Variants in SASH1 observed in about 807,000 individuals in gnomAD.
The protein encoded by SASH1 is SAM and SH3 domain-containing protein 1.
In SASH1, 44 loss-of-function variants were observed where a neutral mutation model predicts 125.2. The ratio of observed to expected loss-of-function variants is 0.35; its 90% CI spans 0.28 to 0.45. The LOEUF (loss-of-function observed/expected upper bound fraction) is 0.45. Among genes scored for constraint, SASH1 ranks in the 20% least tolerant of loss-of-function variants. SASH1 has a pLI of 1.00. For synonymous variants in SASH1, 639 were observed against 649.1 expected, an observed-to-expected ratio of 0.98 and a Z score of 0.24; for missense variants, 1,426 against 1,614.5, an observed-to-expected ratio of 0.88 and a Z score of 2.00.
In SASH1 at chr6:148,313,083, G is replaced by C. The variant is rs1780378938; in HGVS notation, n.74+40706G>C. On this transcript the variant is annotated intron_variant and non_coding_transcript_variant, in intron 1 of 3. Transcript: ENST00000367469. ...TCTTAGGAGTTAGTGGCAGAGAGAG[G>C]AGAGACCAACTGAGCCAAACCTCAA... 2.0e-5 allele frequency among the ~76,000 whole-genome samples: 3 copies of C among 152,292 alleles called. 1 individual carries two copies. In the South Asian group the frequency reaches 6.2e-4, roughly 32 times the overall value.
intron 1 of SASH1, among the ~76,000 whole-genome samples, chr6:148,292,605 A>G (rs1779664401): frequency 6.6e-6 from 1 of 152,154 alleles, no homozygotes. Flanking sequence ...ACCGACTTTC[A>G]TGGGGACTCA....
At chr6:148,246,120 T>G in the SASH1 span, among the ~76,000 whole-genome samples, 1 of 152,186 alleles carries the variant, frequency 6.6e-6, no homozygotes, top group East Asian at 1.9e-4. Context: ...CTCTTCTCTT[T>G]TCTCTCTCTC....
intron 2 of SASH1, among the ~76,000 whole-genome samples, chr6:148,426,294 C>T (rs1030495447): frequency 9.9e-5 from 15 of 152,220 alleles, no homozygotes; most frequent in Non-Finnish European, 1.5e-4. Flanking sequence ...GTGTGCAGTG[C>T]GCTCTCATTG....
At chr6:148,428,081 A>T (rs1172752539) in intron 2 of SASH1, among the ~76,000 whole-genome samples, 1 of 152,176 alleles carries the variant, frequency 6.6e-6, no homozygotes, top group Non-Finnish European at 1.5e-5. Flanking sequence ...GTATAGTAAC[A>T]TCCATCTCGT....
intron 1 of SASH1, among the ~76,000 whole-genome samples, chr6:148,299,347 A>G (rs531964468): frequency 1.3e-5 from 2 of 152,062 alleles, no homozygotes; most frequent in Non-Finnish European, 2.9e-5. Flanking sequence ...TATTGGTGCT[A>G]CAAGAATTAA....
At chr6:148,465,548 G>GA (rs564107121) in intron 4 of SASH1, among the ~76,000 whole-genome samples, 1,390 of 100,774 alleles carry the variant, frequency 0.014, 9 homozygotes, top group African/African-American at 0.019. Context: ...GTCTCCAGGA[G>GA]AAAAAAAAAA....
chr6:148,546,257 G>A (rs758269728), intron 19 of SASH1, 111 bp downstream of exon 19: 39 of 1,274,690 alleles, frequency 3.1e-5, no homozygotes, highest in Non-Finnish European at 4.1e-5. Flanking sequence ...CTATGGAAAG[G>A]AGACAGCTGG....
chr6:148,474,758 G>A (rs1413468946), intron 7 of SASH1, among the ~76,000 whole-genome samples: 1 of 152,076 alleles, frequency 6.6e-6, no homozygotes, highest in African/African-American at 2.4e-5. Context: ...TTTTTACAGA[G>A]ACAGGGTCTC....
the SASH1 span, among the ~76,000 whole-genome samples, chr6:148,253,674 C>T: frequency 2.0e-5 from 3 of 152,016 alleles, no homozygotes; most frequent in Non-Finnish European, 4.4e-5. Context: ...AGTTTGAGAC[C>T]ATCCTGGCCA....
the SASH1 span, among the ~76,000 whole-genome samples, chr6:148,200,432 G>A: frequency 6.6e-6 from 1 of 152,170 alleles, no homozygotes; most frequent in African/African-American, 2.4e-5. Flanking sequence ...GAGCGGGAGG[G>A]GGCCGCGATC....
intron 2 of SASH1, among the ~76,000 whole-genome samples, chr6:148,397,642 G>A (rs550574023): frequency 6.6e-6 from 1 of 152,186 alleles, no homozygotes; most frequent in South Asian, 2.1e-4. Context: ...CCCTTCTAGT[G>A]GGTCCTGCCT....
intron 1 of SASH1, among the ~76,000 whole-genome samples, chr6:148,334,264 A>T (rs1248007993): frequency 1.4e-5 from 2 of 146,150 alleles, no homozygotes; most frequent in South Asian, 4.3e-4. Context: ...CTCTACTAAA[A>T]ATACAAAAAA....
intron 2 of SASH1, among the ~76,000 whole-genome samples, chr6:148,427,793 G>T (rs1455184709): frequency 2.0e-5 from 3 of 152,192 alleles, no homozygotes; most frequent in African/African-American, 4.8e-5. Flanking sequence ...ACTGATTTCT[G>T]TTCCTGCCCT....
chr6:148,296,843 A>C (rs974441915), intron 1 of SASH1, among the ~76,000 whole-genome samples: 31 of 152,222 alleles, frequency 2.0e-4, no homozygotes, highest in African/African-American at 7.5e-4. Flanking sequence ...GATGTAGTTT[A>C]CTACTCTGCC....
chr6:148,526,671 A>G (rs1285411361), intron 11 of SASH1, among the ~76,000 whole-genome samples: 1 of 152,146 alleles, frequency 6.6e-6, no homozygotes, highest in African/African-American at 2.4e-5. Context: ...ATGAGAGATG[A>G]CCACAATCTA....
At chr6:148,508,388 C>A in intron 8 of SASH1, 1 of 765,150 alleles carries the variant, frequency 1.3e-6, no homozygotes, top group East Asian at 1.3e-4. Context: ...TAGTCCTTGT[C>A]CTCCTTGTCC....
chr6:148,463,197 T>G (rs1667511301), intron 4 of SASH1, among the ~76,000 whole-genome samples: 1 of 151,532 alleles, frequency 6.6e-6, no homozygotes, highest in Admixed American at 6.6e-5. Context: ...CAGGCTGGAG[T>G]GCAGTGGCGC....
chr6:148,430,249 G>C (rs1004696383), intron 2 of SASH1, among the ~76,000 whole-genome samples: 1 of 152,220 alleles, frequency 6.6e-6, no homozygotes, highest in Non-Finnish European at 1.5e-5. Flanking sequence ...GAGGGTTTAT[G>C]ATCAGGCTAT....
At chr6:148,506,550 G>C (rs756273362) in intron 8 of SASH1, among the ~76,000 whole-genome samples, 1 of 152,034 alleles carries the variant, frequency 6.6e-6, no homozygotes, top group African/African-American at 2.4e-5. Context: ...TTTCAGGTAC[G>C]CAGTATTTAA....
Sources: gnomAD v4.1 joint callset for allele counts (sites outside exome capture counted in the v4.1 genomes callset) on GRCh38, gnomAD v4.1.1 for gene constraint, MANE v1.5 for transcripts, NCBI Gene and HGNC (gene_info 2026-07-23, HGNC 2026-07-21) for gene names.